The following KHDRBS3 variants were observed in gnomAD, a reference collection of about 807,000 sequenced individuals.
KHDRBS3 encodes the protein KH domain-containing, RNA-binding, signal transduction-associated protein 3.
A neutral mutation model predicts 45.6 loss-of-function variants in KHDRBS3; 23 were observed. The ratio of observed to expected loss-of-function variants is 0.50; its 90% confidence interval spans 0.36 to 0.72. KHDRBS3 has a LOEUF of 0.72. KHDRBS3 is among the 30% of genes least tolerant of loss of function. The pLI is 0.00. For missense variants in KHDRBS3, 352 were observed against 424.8 expected (o/e 0.83, Z 1.51); for synonymous variants, 162 against 156.5 (o/e 1.04, Z -0.26).
intron 1 of KHDRBS3, among the ~76,000 whole-genome samples, chr8:135,462,393 A>G (rs1316522860): frequency 6.6e-6 from 1 of 152,104 alleles, no homozygotes; most frequent in African/African-American, 2.4e-5. Flanking sequence ...AGAACCTGCC[A>G]TGCTGGTTCT....
chr8:135,458,414 A>C, intron 1 of KHDRBS3: 2 of 226,168 alleles, frequency 8.8e-6, no homozygotes, highest in Non-Finnish European at 1.8e-5. Flanking sequence ...GGTGAAGGGA[A>C]CAGGTGCTTG....
intron 6 of KHDRBS3, among the ~76,000 whole-genome samples, chr8:135,597,743 T>G (rs992345704): frequency 1.3e-5 from 2 of 152,214 alleles, no homozygotes; most frequent in Non-Finnish European, 2.9e-5. Context: ...GATGGAAAGA[T>G]GTCCATAAAA....
At chr8:135,635,766 A>C (rs1563822693) in intron 7 of KHDRBS3, among the ~76,000 whole-genome samples, 2 of 152,192 alleles carry the variant, frequency 1.3e-5, no homozygotes, top group African/African-American at 4.8e-5. Flanking sequence ...TGTTACATTA[A>C]AATACCTTGG....
At chr8:135,562,516 C>T (rs550381412) in intron 5 of KHDRBS3, among the ~76,000 whole-genome samples, 10 of 150,898 alleles carry the variant, frequency 6.6e-5, no homozygotes, top group South Asian at 4.2e-4. Flanking sequence ...CATAGCTAAG[C>T]GACTGTATTT....
At position 135,542,729 on chromosome 8, in the gene KHDRBS3, A is replaced by T. The variant is rs752272741; in HGVS notation, c.283A>T (p.Met95Leu). Residue 95 changes from methionine to leucine, a missense_variant, in exon 3 of 9, where the codon ATG becomes TTG. By Grantham distance (15) the Met-to-Leu change is conservative (BLOSUM62 2). Transcript: ENST00000355849. ...TTTACAAGAAGAAACCTTGACAAAA[A>T]TGTCCATCCTTGGGAAAGGTTCCAT... ...KRLQEETLTK[M>L]SILGKGSMRD... 1 of 1,613,802 alleles carries T rather than the reference A, an allele frequency of 6.2e-7. No homozygotes were observed. The highest frequency in any genetic ancestry group is 8.5e-7 in the Non-Finnish European group (1 of 1,179,724).
intron 2 of KHDRBS3, among the ~76,000 whole-genome samples, chr8:135,521,845 A>G (rs899162935): frequency 2.0e-5 from 3 of 152,158 alleles, no homozygotes; most frequent in African/African-American, 7.2e-5. Context: ...ACCTGAATAT[A>G]TCATTGTTGT....
At chr8:135,607,182 C>T (rs532797478) in intron 7 of KHDRBS3, 145 bp downstream of exon 7, 1 of 553,706 alleles carries the variant, frequency 1.8e-6, no homozygotes, top group African/African-American at 1.9e-5. Context: ...GAAGCCCTGT[C>T]TGTTCTAGCA....
Position 135,467,685 on chromosome 8 carries a change from C to T in KHDRBS3, c.88+9731C>T, listed in dbSNP as rs536575265. On this transcript the variant is annotated intron_variant, in intron 1 of 8. Coordinates refer to ENST00000355849, the MANE Select transcript of KHDRBS3 (RefSeq NM_006558.3). ...ATGCCACCGAGGTGATGGTAGGTCC[C>T]TCTCAGCCCCTCGTACCCGGGCACA... 2.0e-5 allele frequency among the ~76,000 whole-genome samples: 3 copies of T among 152,380 alleles called. No homozygotes were observed. In the South Asian group the frequency reaches 6.2e-4, roughly 32 times the overall value.
At chr8:135,566,631 G>C (rs1326518284) in intron 5 of KHDRBS3, among the ~76,000 whole-genome samples, 1 of 152,114 alleles carries the variant, frequency 6.6e-6, no homozygotes, top group East Asian at 1.9e-4. Context: ...AAGGTGGGAA[G>C]ATCACTTGAG....
intron 4 of KHDRBS3, 132 bp from the exon 5 acceptor site, chr8:135,557,315 AT>A (rs1826936078): frequency 2.2e-6 from 1 of 458,968 alleles, no homozygotes; most frequent in Admixed American, 4.3e-5. Flanking sequence ...ATTTTAGCAA[AT>A]TTGTATTTTG....
chr8:135,476,300 C>T (rs192206148), intron 1 of KHDRBS3, among the ~76,000 whole-genome samples: 7 of 152,124 alleles, frequency 4.6e-5, no homozygotes, highest in East Asian at 3.9e-4. Flanking sequence ...CACACCACCA[C>T]GCCCAGCTAA....
At chr8:135,640,609 TC>T (rs1029871207) in intron 7 of KHDRBS3, among the ~76,000 whole-genome samples, 6 of 152,102 alleles carry the variant, frequency 3.9e-5, no homozygotes, top group Admixed American at 6.5e-5. Context: ...CTCTGGGAAA[TC>T]CAGGAATGAT....
chr8:135,475,482 T>C (rs1472381198), intron 1 of KHDRBS3, among the ~76,000 whole-genome samples: 1 of 151,734 alleles, frequency 6.6e-6, no homozygotes, highest in African/African-American at 2.4e-5. Context: ...CAGCTAATTT[T>C]TGTATTTTTA....
chr8:135,513,110 G>C (rs901746928), intron 1 of KHDRBS3, among the ~76,000 whole-genome samples: 1 of 152,074 alleles, frequency 6.6e-6, no homozygotes, highest in Non-Finnish European at 1.5e-5. Flanking sequence ...TGAGGCAGGA[G>C]AATGGCATGA....
At chr8:135,624,747 A>G (rs576801753) in intron 7 of KHDRBS3, among the ~76,000 whole-genome samples, 1 of 152,318 alleles carries the variant, frequency 6.6e-6, no homozygotes, top group East Asian at 1.9e-4. Flanking sequence ...GTTACATTTT[A>G]TATTTTGAAA....
Position 135,581,899 on chromosome 8 carries a change from C to G in KHDRBS3, c.633C>G (p.Ala211=). The change falls in exon 6 of 9, where the codon GCC becomes GCG. Residue 211 remains alanine (A), a synonymous_variant. Coordinates refer to ENST00000355849, the MANE Select transcript of KHDRBS3 (RefSeq NM_006558.3). The stretch of plus-strand genomic sequence containing the variant: ...ACAGGGGAAGGGGAGGAGTTACAGC[C>G]CGGCCAGTTGGAGTTGTAGTACCAC... ...AITRGRGGVT[A]RPVGVVVPRG... 1.2e-6 allele frequency: 2 copies of G among 1,601,976 alleles called. No homozygotes were observed. The highest frequency in any genetic ancestry group is 2.2e-5 in the South Asian group (2 of 89,446).
chr8:135,604,505 T>C (rs1366899322), intron 6 of KHDRBS3, among the ~76,000 whole-genome samples: 1 of 151,982 alleles, frequency 6.6e-6, no homozygotes, highest in Non-Finnish European at 1.5e-5. Context: ...TACTTCCTTC[T>C]TTTGTGTTAA....
intron 5 of KHDRBS3, among the ~76,000 whole-genome samples, chr8:135,580,706 G>A (rs1828163356): frequency 1.3e-5 from 2 of 150,214 alleles, no homozygotes; most frequent in Non-Finnish European, 2.9e-5. Flanking sequence ...TCAGCCTCTT[G>A]GGTTCAAGTG....
At chr8:135,612,336 T>C (rs1163941454) in intron 7 of KHDRBS3, among the ~76,000 whole-genome samples, 4 of 151,948 alleles carry the variant, frequency 2.6e-5, no homozygotes, top group African/African-American at 9.7e-5. Context: ...TTTTGCCTTA[T>C]CAAATTTAGA....
Sources: allele counts gnomAD v4.1 joint callset (sites outside exome capture counted in the v4.1 genomes callset), GRCh38; gene constraint gnomAD v4.1.1; transcripts MANE v1.5; gene names NCBI Gene and HGNC (gene_info 2026-07-23, HGNC 2026-07-21).